MAP3K19: variants seen among roughly 807,000 people sequenced by gnomAD.
MAP3K19 encodes the protein mitogen-activated protein kinase kinase kinase 19.
A neutral mutation model predicts 114.4 loss-of-function variants in MAP3K19; 91 were observed. The observed-to-expected ratio is 0.80, with a 90% CI of 0.67 to 0.95. MAP3K19 has a LOEUF of 0.95. Ranked by LOEUF, MAP3K19 falls within the 40% of genes least tolerant of loss-of-function variation. The pLI, the probability that MAP3K19 is intolerant of heterozygous loss-of-function variation, is 0.00. For missense variants in MAP3K19, 1,471 were observed against 1,573.2 expected, an observed-to-expected ratio of 0.94 and a Z score of 1.10; for synonymous variants, 518 against 530.5, an observed-to-expected ratio of 0.98 and a Z score of 0.32.
intron 2 of MAP3K19, among the ~76,000 whole-genome samples, chr2:135,032,481 C>T (rs1390874747): frequency 6.6e-6 from 1 of 151,356 alleles, no homozygotes; most frequent in Non-Finnish European, 1.5e-5. Context: ...GAAATGAAAA[C>T]ATATACTCAC....
chr2:134,979,937 T>C (rs1025054924), intron 12 of MAP3K19, among the ~76,000 whole-genome samples: 1 of 151,908 alleles, frequency 6.6e-6, no homozygotes, highest in Admixed American at 6.6e-5. Context: ...CCCCTGGGAG[T>C]TGGGGGTTGC....
chr2:134,987,526 T>C lies in MAP3K19; in HGVS notation c.1346A>G (p.Asp449Gly), dbSNP rs762489741. Residue 449 changes from aspartate (D) to glycine (G), a missense_variant, in exon 10 of 13, where the codon GAT becomes GGT. Coordinates refer to ENST00000392915, the MANE Select transcript of MAP3K19 (RefSeq NM_025052.5). ...VLKSLSSVVF[D>G]DPIDKLPEGC... ...TTCTGGGAGTTTATCAATGGGGTCA[T>C]CAAAGACTACACTGGATAAGCTTTT... 1.9e-6 allele frequency: 3 copies of C among 1,614,210 alleles called. 1 individual carries two copies. Among genetic ancestry groups the C allele is most frequent in the Admixed American group, 3.3e-5 (2 of 60,020 alleles).
intron 5 of MAP3K19, among the ~76,000 whole-genome samples, chr2:135,007,223 T>G (rs1686889551): frequency 1.3e-5 from 2 of 152,152 alleles, no homozygotes; most frequent in Non-Finnish European, 2.9e-5. Context: ...ATATTTTAGG[T>G]ATTCAATCAT....
chr2:134,991,299 T>C, intron 9 of MAP3K19: 1 of 469,276 alleles, frequency 2.1e-6, no homozygotes, highest in Non-Finnish European at 3.8e-6. Context: ...AGACTCTGTC[T>C]CAAAAAACAA....
At chr2:135,044,282 G>A (rs1688697140) in intron 1 of MAP3K19, among the ~76,000 whole-genome samples, 1 of 152,126 alleles carries the variant, frequency 6.6e-6, no homozygotes, top group Admixed American at 6.6e-5. Flanking sequence ...AGAGATGAGA[G>A]TGCTACTGCC....
At chr2:135,035,230 C>G (rs1688501236) in intron 2 of MAP3K19, among the ~76,000 whole-genome samples, 1 of 152,170 alleles carries the variant, frequency 6.6e-6, no homozygotes, top group African/African-American at 2.4e-5. Context: ...AACCCTGTCT[C>G]TACAAAAAAT....
intron 3 of MAP3K19, among the ~76,000 whole-genome samples, chr2:135,025,514 T>C (rs1256499417): frequency 6.6e-6 from 1 of 150,996 alleles, no homozygotes; most frequent in East Asian, 2.0e-4. Context: ...GCCTCCAGAG[T>C]AGCTGGGACT....
intron 12 of MAP3K19, among the ~76,000 whole-genome samples, chr2:134,979,450 G>C (rs1001001242): frequency 3.2e-5 from 3 of 92,836 alleles, no homozygotes; most frequent in Non-Finnish European, 6.6e-5. Context: ...CTTCGTGTGT[G>C]TGTGTGTGTG....
intron 5 of MAP3K19, among the ~76,000 whole-genome samples, chr2:135,007,102 C>T (rs1686878144): frequency 6.6e-6 from 1 of 151,562 alleles, no homozygotes; most frequent in African/African-American, 2.4e-5. Context: ...GAGGTTGAGG[C>T]TGCAGTGAGC....
intron 6 of MAP3K19, among the ~76,000 whole-genome samples, chr2:135,002,863 T>C (rs1188017646): frequency 1.3e-5 from 2 of 152,182 alleles, no homozygotes; most frequent in Admixed American, 1.3e-4. Context: ...GAATCCTTCC[T>C]GACAATCCAA....
chr2:135,021,494 ACAC>A (rs1574039678), intron 5 of MAP3K19, among the ~76,000 whole-genome samples: 2 of 152,082 alleles, frequency 1.3e-5, no homozygotes, highest in East Asian at 1.9e-4. Context: ...ACACACACAC[ACAC>A]GTGTACACAC....
intron 12 of MAP3K19, among the ~76,000 whole-genome samples, chr2:134,968,454 CA>C (rs1683565447): frequency 6.7e-6 from 1 of 149,128 alleles, no homozygotes; most frequent in African/African-American, 2.5e-5. Flanking sequence ...AGGCGCCCCT[CA>C]CCTCCCGGAT....
rs1685188337 is a variant in MAP3K19 at position 134,987,056 on chromosome 2, T to G, written c.1816A>C (p.Thr606Pro). The G allele has an allele frequency of 6.2e-7, 1 of 1,612,714 alleles. No homozygotes were observed. Among genetic ancestry groups the G allele is most frequent in the South Asian group, 1.1e-5 (1 of 91,082 alleles). The stretch of plus-strand genomic sequence containing the variant: ...AATGATTGCTTTTTAGGTTTCTGAG[T>G]CCGGTGAGTTGATTGCTTCTTTGCT... ...QIAKKQSTHRTQKPKKQSFPC... is the reference protein window; with the variant it reads ...QIAKKQSTHRPQKPKKQSFPC... The change falls in exon 10 of 13, where the codon ACT (threonine) becomes CCT (proline). Residue 606 changes from threonine to proline, a missense_variant. Transcript: ENST00000392915.
intron 5 of MAP3K19, among the ~76,000 whole-genome samples, chr2:135,010,695 A>G (rs148405910): frequency 6.6e-6 from 1 of 152,300 alleles, no homozygotes; most frequent in East Asian, 1.9e-4. Flanking sequence ...CAGCACAATT[A>G]TAGTTCACTG....
In MAP3K19 at chr2:135,043,409, C is replaced by T. The variant is rs553488011; in HGVS notation, c.-423-2907G>A. Among the ~76,000 whole-genome samples the T allele has an allele frequency of 9.4e-4, 143 of 152,206 alleles. 1 individual carries two copies. Among genetic ancestry groups the T allele is most frequent in the African/African-American group, 3.0e-3 (124 of 41,540 alleles). ...TTTAGTAGATCTGGGATGAGCCTGG[C>T]GACTCTCTTTCTTTGAAAGAGATTT... On this transcript the variant is annotated intron_variant, in intron 1 of 12. Transcript: ENST00000392915.
At chr2:134,980,565 G>A (rs1450341571) in intron 12 of MAP3K19, 1 of 427,386 alleles carries the variant, frequency 2.3e-6, no homozygotes, top group Non-Finnish European at 4.3e-6. Context: ...CATTGATTTG[G>A]GCAAGTATTG....
Position 135,040,355 on chromosome 2 carries a change from CAT to C in MAP3K19, c.-284+6_-284+7del, listed in dbSNP as rs758757506. On this transcript the variant is annotated splice_donor_region_variant and intron_variant, in intron 2 of 12. Coordinates refer to ENST00000392915, the MANE Select transcript of MAP3K19 (RefSeq NM_025052.5). ...TTTTATCCTTGAGCCCAGCATGCCA[CAT>C]GTTACCTCTGTTAGATTTTCCTCTG... The C allele has an allele frequency of 2.6e-4, 39 of 152,738 alleles. No individual in the cohort carries two copies. The highest frequency in any genetic ancestry group is 5.1e-4 in the African/African-American group (21 of 41,560). 9.5% of individuals were successfully genotyped at this position (152,738 alleles called of 1,614,324 possible). A position where few individuals can be genotyped will look rare whatever the true frequency, so the allele number is the denominator to read the frequency against.
chr2:134,968,376 A>G (rs1252753183), intron 12 of MAP3K19, among the ~76,000 whole-genome samples: 2 of 150,476 alleles, frequency 1.3e-5, no homozygotes, highest in Non-Finnish European at 3.0e-5. Context: ...GCTGTTGGGT[A>G]CACCTCCCAG....
At chr2:134,981,555 A>G in intron 11 of MAP3K19, 37 bp from the exon 12 acceptor site, 1 of 1,481,068 alleles carries the variant, frequency 6.8e-7, no homozygotes, top group African/African-American at 1.4e-5. Context: ...TATTAAATTA[A>G]TGACATAACT....
Sources: gnomAD v4.1 joint callset for allele counts (sites outside exome capture counted in the v4.1 genomes callset) on GRCh38, gnomAD v4.1.1 for gene constraint, MANE v1.5 for transcripts, NCBI Gene and HGNC (gene_info 2026-07-23, HGNC 2026-07-21) for gene names.